The following OSBPL6 variants were observed in gnomAD, a reference collection of about 807,000 sequenced individuals.
OSBPL6 encodes the protein oxysterol-binding protein-related protein 6.
A neutral mutation model predicts 125.8 loss-of-function variants in OSBPL6; 49 were observed. The ratio of observed to expected loss-of-function variants is 0.39; its 90% CI spans 0.31 to 0.49. The LOEUF (loss-of-function observed/expected upper bound fraction) is 0.49, where lower values mean the gene tolerates loss of function less well. Among genes scored for constraint, OSBPL6 ranks in the 20% least tolerant of loss-of-function variants. The pLI is 0.88. For missense variants in OSBPL6, 986 were observed against 1,135.4 expected, an observed-to-expected ratio of 0.87 and a Z score of 1.89; for synonymous variants, 394 against 391.8, an observed-to-expected ratio of 1.01 and a Z score of -0.07.
At position 178,279,454 on chromosome 2, in the gene OSBPL6, A is replaced by G. The variant is rs141802773; in HGVS notation, c.-350-5473A>G. Among the ~76,000 whole-genome samples, 60 of 152,348 alleles carry G rather than the reference A, an allele frequency of 3.9e-4. 1 individual carries two copies. In the East Asian group the frequency reaches 9.5e-3, roughly 24 times the overall value. On this transcript the variant is annotated intron_variant, in intron 1 of 24. Coordinates refer to ENST00000190611, the MANE Select transcript of OSBPL6 (RefSeq NM_032523.4). ...TGAATGAGATTTTCCAGAGACGCCC[A>G]CTGGCTAGTACTGGTTAGTGTGGGA...
chr2:178,194,462 G>C (rs1305660024), upstream of OSBPL6: 1 of 151,934 alleles, frequency 6.6e-6, no homozygotes, highest in East Asian at 1.9e-4. Flanking sequence ...GAGAGGAGGG[G>C]CTGCAGCGCA....
chr2:178,327,588 A>G (rs1048574850), intron 4 of OSBPL6, among the ~76,000 whole-genome samples: 13 of 152,282 alleles, frequency 8.5e-5, no homozygotes, highest in African/African-American at 3.1e-4. Flanking sequence ...AGTTTCTCCT[A>G]TTATTCTAAA....
At chr2:178,356,018 C>A (rs1224319488) in intron 12 of OSBPL6, among the ~76,000 whole-genome samples, 1 of 152,142 alleles carries the variant, frequency 6.6e-6, no homozygotes, top group African/African-American at 2.4e-5. Context: ...GCAGAAAAGG[C>A]CTTTGACAAA....
In OSBPL6 at chr2:178,374,036, G is replaced by A; in HGVS notation, c.1533+9G>A. 1.2e-6 allele frequency: 2 copies of A among 1,613,110 alleles called. No individual in the cohort carries two copies. The highest frequency in any genetic ancestry group is 1.7e-6 in the Non-Finnish European group (2 of 1,179,378). On this transcript the variant is annotated intron_variant, in intron 15 of 24. Transcript: ENST00000190611. Reference sequence around the variant, plus strand: ...GTTCGTCAGAGAATGAGGTATGTATGCCTCCTTGACTTGTTGGCCTCAACA... The same window carrying A: ...GTTCGTCAGAGAATGAGGTATGTATACCTCCTTGACTTGTTGGCCTCAACA...
intron 5 of OSBPL6, 119 bp downstream of exon 5, chr2:178,328,497 C>T: frequency 7.9e-7 from 1 of 1,271,272 alleles, no homozygotes; most frequent in Non-Finnish European, 1.1e-6. Flanking sequence ...CTTTTTAAAA[C>T]TTTTTTTTGA....
chr2:178,205,585 A>G (rs980960663), intron 1 of OSBPL6, among the ~76,000 whole-genome samples: 2 of 152,224 alleles, frequency 1.3e-5, no homozygotes, highest in African/African-American at 4.8e-5. Context: ...ATGATAAAGG[A>G]AAACAATAGA....
chr2:178,325,174 G>C (rs1225606023), intron 4 of OSBPL6, among the ~76,000 whole-genome samples: 1 of 152,186 alleles, frequency 6.6e-6, no homozygotes, highest in Non-Finnish European at 1.5e-5. Flanking sequence ...TTTTCAATGG[G>C]CTTCCTCCTT....
chr2:178,306,124 G>T lies in OSBPL6; in HGVS notation c.-61G>T. The T allele has an allele frequency of 9.7e-7, 1 of 1,027,552 alleles. No homozygotes were observed. Among genetic ancestry groups the T allele is most frequent in the Non-Finnish European group, 1.5e-6 (1 of 657,448 alleles). 63.7% of individuals were successfully genotyped at this position (1,027,552 alleles called of 1,614,324 possible). A position where few individuals can be genotyped will look rare whatever the true frequency, so the allele number is the denominator to read the frequency against. On this transcript the variant is annotated 5_prime_UTR_variant, in exon 3 of 25. Transcript: ENST00000190611. ...TGAAAAATCATCTACTTCTTTGTTT[G>T]TGGATTTGAGAGAAGATTGGGATGG... is the stretch of plus-strand genomic sequence containing the variant.
intron 3 of OSBPL6, among the ~76,000 whole-genome samples, chr2:178,322,024 A>G (rs548339446): frequency 1.0e-3 from 152 of 152,348 alleles, no homozygotes; most frequent in Non-Finnish European, 1.6e-3. Flanking sequence ...TCTGACCCAC[A>G]TAATTCTGGC....
chr2:178,364,495 G>T (rs193161854), intron 13 of OSBPL6, among the ~76,000 whole-genome samples: 5 of 152,142 alleles, frequency 3.3e-5, no homozygotes, highest in Non-Finnish European at 7.3e-5. Context: ...GTGGAAGGAG[G>T]GAATACATTT....
At chr2:178,371,666 C>T (rs1023646892) in intron 13 of OSBPL6, among the ~76,000 whole-genome samples, 10 of 152,266 alleles carry the variant, frequency 6.6e-5, no homozygotes, top group African/African-American at 2.4e-4. Flanking sequence ...AAACTAAAGC[C>T]AGTTCATTCT....
rs1378314521 is a variant in OSBPL6, at chr2:178,372,201, G to T, written c.1363G>T (p.Val455Phe). Residue 455 changes from valine to phenylalanine, a missense_variant, in exon 14 of 25, where the codon GTC (valine) becomes TTC (phenylalanine). Physicochemically the swap from Val to Phe is conservative, Grantham distance 50 (BLOSUM62 -1). Transcript: ENST00000190611. ...HSESIICDQVVSVNIIPSPDE... is the reference protein window; with the variant it reads ...HSESIICDQVFSVNIIPSPDE... ...AGAGTCTATTATTTGTGATCAGGTTGTCAGTGTAAATATTATTCCTAGCCC... is the reference window on the plus strand; with the variant it reads ...AGAGTCTATTATTTGTGATCAGGTTTTCAGTGTAAATATTATTCCTAGCCC... 1.9e-6 allele frequency: 3 copies of T among 1,612,958 alleles called. No individual in the cohort carries two copies. The highest frequency in any genetic ancestry group is 2.5e-6 in the Non-Finnish European group (3 of 1,179,334).
chr2:178,254,842 G>A (rs1445466269), intron 1 of OSBPL6, among the ~76,000 whole-genome samples: 1 of 152,220 alleles, frequency 6.6e-6, no homozygotes, highest in Non-Finnish European at 1.5e-5. Flanking sequence ...AATTCTCAAG[G>A]AGGTAGTGTA....
rs868437571 is a variant in OSBPL6 at position 178,206,677 on chromosome 2, C to T, written c.-351+12003C>T. 8.6e-4 allele frequency among the ~76,000 whole-genome samples: 131 copies of T among 152,156 alleles called. 1 individual carries two copies. The Middle Eastern group carries it at 0.01, about 12-fold the overall frequency. ...TTGCCCAGGCTGGAGTTCAGTGGCA[C>T]GATCTCGGCTCACTGCAACCTCTGC... On this transcript the variant is annotated intron_variant, in intron 1 of 24. Transcript: ENST00000190611.
At chr2:178,294,928 T>G (rs1685612662) in intron 2 of OSBPL6, among the ~76,000 whole-genome samples, 1 of 150,278 alleles carries the variant, frequency 6.7e-6, no homozygotes, top group African/African-American at 2.5e-5. Context: ...ATTTTCGAGG[T>G]CTTTTTTTCT....
chr2:178,385,482 G>T lies in OSBPL6; in HGVS notation c.2038G>T (p.Ala680Ser). The change falls in exon 19 of 25, where the codon GCC (alanine) becomes TCC (serine). Residue 680 changes from alanine (A) to serine (S), a missense_variant. Transcript: ENST00000190611. The part of the protein sequence containing the change: ...EQVSHHPPIS[A>S]CHCESKNFVF... ...GGTTAGCCATCATCCACCCATTTCT[G>T]CCTGTCACTGTGAATCAAAGAATTT... The T allele has an allele frequency of 6.2e-7, 1 of 1,611,308 alleles. No homozygotes were observed. Among genetic ancestry groups the T allele is most frequent in the Non-Finnish European group, 8.5e-7 (1 of 1,178,210 alleles).
chr2:178,258,779 G>A (rs945512935), intron 1 of OSBPL6, among the ~76,000 whole-genome samples: 1 of 151,328 alleles, frequency 6.6e-6, no homozygotes, highest in African/African-American at 2.4e-5. Context: ...TTTTCCACTG[G>A]AGACTACTTT....
intron 3 of OSBPL6, among the ~76,000 whole-genome samples, chr2:178,306,914 G>T (rs1686813391): frequency 6.6e-6 from 1 of 152,164 alleles, no homozygotes; most frequent in South Asian, 2.1e-4. Context: ...TGCTGGCAGG[G>T]TTATGTGAGC....
At chr2:178,378,608 TC>T in intron 15 of OSBPL6, among the ~76,000 whole-genome samples, 1 of 152,306 alleles carries the variant, frequency 6.6e-6, no homozygotes, top group Middle Eastern at 3.4e-3. Context: ...CTCTTTTGAA[TC>T]CCTAAGTTTG....
Sources: gnomAD v4.1 joint callset for allele counts (sites outside exome capture counted in the v4.1 genomes callset) on GRCh38, gnomAD v4.1.1 for gene constraint, MANE v1.5 for transcripts, NCBI Gene and HGNC (gene_info 2026-07-23, HGNC 2026-07-21) for gene names.